WDR70: variants seen among roughly 807,000 people sequenced by gnomAD.
WDR70 encodes the protein WD repeat domain 70, also known as WD repeat-containing protein 70.
WDR70 carries 53 observed loss-of-function variants against 88.6 expected under a neutral mutation model. That is an observed-to-expected ratio of 0.60 (90% CI 0.48 to 0.75). WDR70 has a LOEUF of 0.75. Among genes scored for constraint, WDR70 ranks in the 30% least tolerant of loss-of-function variants. WDR70 has a pLI of 0.00. For missense variants in WDR70, 610 were observed against 823.2 expected, an observed-to-expected ratio of 0.74 and a Z score of 3.17; for synonymous variants, 280 against 270.0, an observed-to-expected ratio of 1.04 and a Z score of -0.36.
chr5:37,752,349 G>C, intron 17 of WDR70, 137 bp from the exon 18 acceptor site: 1 of 611,798 alleles, frequency 1.6e-6, no homozygotes, highest in East Asian at 2.9e-5. Flanking sequence ...TTTGCCAGAA[G>C]TTTAATGATT....
At chr5:37,738,430 G>T (rs1748368167) in intron 17 of WDR70, among the ~76,000 whole-genome samples, 1 of 152,146 alleles carries the variant, frequency 6.6e-6, no homozygotes, top group African/African-American at 2.4e-5. Context: ...AAAAGAATTT[G>T]ACCTGTGGAC....
chr5:37,493,049 C>T (rs1740110194), intron 8 of WDR70, among the ~76,000 whole-genome samples: 1 of 152,180 alleles, frequency 6.6e-6, no homozygotes, highest in South Asian at 2.1e-4. Context: ...AGTTAAACAA[C>T]AGCTATAGAT....
chr5:37,701,806 A>T (rs1396629745), intron 12 of WDR70, among the ~76,000 whole-genome samples: 3 of 139,224 alleles, frequency 2.2e-5, no homozygotes, highest in Non-Finnish European at 4.8e-5. Context: ...AAAAAAAAAA[A>T]TTGAGCTCTA....
At chr5:37,485,711 A>G (rs1197501054) in intron 8 of WDR70, among the ~76,000 whole-genome samples, 1 of 151,688 alleles carries the variant, frequency 6.6e-6, no homozygotes, top group Admixed American at 6.6e-5. Flanking sequence ...ATTATTTTTG[A>G]GATAGAATCT....
At chr5:37,447,248 A>T (rs1033439781) in intron 7 of WDR70, among the ~76,000 whole-genome samples, 11 of 152,342 alleles carry the variant, frequency 7.2e-5, no homozygotes, top group African/African-American at 2.6e-4. Context: ...ATACCATCTC[A>T]CACCAGTTAG....
intron 17 of WDR70, among the ~76,000 whole-genome samples, chr5:37,749,133 T>A (rs1328127355): frequency 2.6e-5 from 4 of 152,192 alleles, no homozygotes; most frequent in African/African-American, 9.7e-5. Flanking sequence ...ATATAAATCA[T>A]CCTGCTCTAA....
intron 5 of WDR70, among the ~76,000 whole-genome samples, chr5:37,408,356 C>T (rs907527998): frequency 6.6e-6 from 1 of 152,022 alleles, no homozygotes; most frequent in African/African-American, 2.4e-5. Context: ...CGCCTGTAAT[C>T]CCAGCTACTC....
At chr5:37,410,681 A>C (rs1749496353) in intron 5 of WDR70, among the ~76,000 whole-genome samples, 1 of 152,218 alleles carries the variant, frequency 6.6e-6, no homozygotes, top group Admixed American at 6.5e-5. Flanking sequence ...TGGTATGTAC[A>C]GAGTACATAT....
intron 10 of WDR70, among the ~76,000 whole-genome samples, chr5:37,636,031 T>G (rs1744954291): frequency 6.6e-6 from 1 of 152,212 alleles, no homozygotes; most frequent in Admixed American, 6.5e-5. Flanking sequence ...TCCCTAGCCC[T>G]GTGGAACTGT....
intron 6 of WDR70, among the ~76,000 whole-genome samples, chr5:37,439,900 T>C (rs1750601305): frequency 6.6e-6 from 1 of 152,100 alleles, no homozygotes; most frequent in Admixed American, 6.5e-5. Context: ...TAAGAGATAA[T>C]ATTGGGCTGT....
intron 9 of WDR70, among the ~76,000 whole-genome samples, chr5:37,594,123 CT>C (rs976688352): frequency 6.6e-5 from 10 of 152,174 alleles, no homozygotes; most frequent in Non-Finnish European, 1.3e-4. Flanking sequence ...ATGGTAGTTT[CT>C]TTTGCCGTAT....
chr5:37,560,585 C>A (rs1742471672), intron 9 of WDR70, among the ~76,000 whole-genome samples: 1 of 151,996 alleles, frequency 6.6e-6, no homozygotes, highest in Non-Finnish European at 1.5e-5. Context: ...ATTGCTAATT[C>A]CTACCATAAT....
chr5:37,645,558 G>T (rs1745209619), intron 10 of WDR70, among the ~76,000 whole-genome samples: 1 of 152,084 alleles, frequency 6.6e-6, no homozygotes, highest in African/African-American at 2.4e-5. Flanking sequence ...TCTGACCAGT[G>T]CTGAAAGTGG....
chr5:37,433,652 A>G (rs1398409075), intron 5 of WDR70, among the ~76,000 whole-genome samples: 1 of 152,212 alleles, frequency 6.6e-6, no homozygotes, highest in Non-Finnish European at 1.5e-5. Flanking sequence ...AAGTTCAGAA[A>G]GTGTCAAGAT....
At chr5:37,496,406 G>A (rs542060500) in intron 8 of WDR70, among the ~76,000 whole-genome samples, 1 of 152,224 alleles carries the variant, frequency 6.6e-6, no homozygotes, top group East Asian at 1.9e-4. Flanking sequence ...GCCAGACCAC[G>A]AACCCACTGG....
In WDR70 at chr5:37,740,404, C is replaced by T. The variant is rs1362406816; in HGVS notation, c.1878-12082C>T. On this transcript the variant is annotated intron_variant, in intron 17 of 17. Transcript: ENST00000265107. Reference sequence around the variant, plus strand: ...ACAATGTTTAAAGCTATGATTCTCTCACTATGCTCCTACAAAACACTGGTG... The same window carrying T: ...ACAATGTTTAAAGCTATGATTCTCTTACTATGCTCCTACAAAACACTGGTG... Among the ~76,000 whole-genome samples the T allele has an allele frequency of 2.0e-5, 3 of 152,196 alleles. No individual in the cohort carries two copies. In the East Asian group the frequency reaches 5.8e-4, roughly 29 times the overall value.
At chr5:37,522,655 C>G (rs1389346703) in intron 9 of WDR70, among the ~76,000 whole-genome samples, 1 of 152,236 alleles carries the variant, frequency 6.6e-6, no homozygotes, top group Middle Eastern at 3.4e-3. Flanking sequence ...GTGCAGCCCA[C>G]TGAACGTGAG....
intron 2 of WDR70, 35 bp downstream of exon 2, chr5:37,379,589 T>A (rs1482732517): frequency 6.2e-7 from 1 of 1,610,558 alleles, no homozygotes; most frequent in Admixed American, 1.7e-5. Context: ...CCCTCTTCCT[T>A]GTGCAGAGGT....
At chr5:37,505,875 GC>G in intron 8 of WDR70, 1 of 1,356,488 alleles carries the variant, frequency 7.4e-7, no homozygotes, top group Non-Finnish European at 1.1e-6. Flanking sequence ...TTTTAAGGTA[GC>G]CACTCTCAAG....
Sources: gnomAD v4.1 joint callset for allele counts (sites outside exome capture counted in the v4.1 genomes callset) on GRCh38, gnomAD v4.1.1 for gene constraint, MANE v1.5 for transcripts, NCBI Gene and HGNC (gene_info 2026-07-23, HGNC 2026-07-21) for gene names.